Variants in CGN observed in about 807,000 individuals in gnomAD.
The protein encoded by CGN is cingulin.
CGN carries 121 observed loss-of-function variants against 157.1 expected under a neutral mutation model. The observed-to-expected ratio is 0.77, with a 90% CI of 0.66 to 0.90. CGN has a LOEUF of 0.90. CGN is among the 40% of genes least tolerant of loss of function. CGN has a pLI of 0.00. For synonymous variants in CGN, 535 were observed against 607.5 expected (o/e 0.88, Z 1.76); for missense variants, 1,424 against 1,520.9 (o/e 0.94, Z 1.06).
At chr1:151,517,527 G>A (rs1430083186) in intron 1 of CGN, among the ~76,000 whole-genome samples, 1 of 99,572 alleles carries the variant, frequency 1.0e-5, no homozygotes, top group Non-Finnish European at 2.1e-5. Flanking sequence ...TTTTTTTTTT[G>A]GAGATAGAGT....
rs1664490773 is a variant in CGN at position 151,519,399 on chromosome 1, C to T, written c.873+7C>T. The T allele has an allele frequency of 1.9e-6, 3 of 1,567,196 alleles. No homozygotes were observed. The highest frequency in any genetic ancestry group is 1.7e-6 in the Non-Finnish European group (2 of 1,162,088). On this transcript the variant is annotated splice_region_variant and intron_variant, in intron 2 of 20. Transcript: ENST00000271636. The stretch of plus-strand genomic sequence containing the variant: ...GGACCCCACCATGCTGCAGGTCAGA[C>T]CCAGCCCCTCCCTGACTTCTAAATG...
At position 151,536,785 on chromosome 1, in the gene CGN, T is replaced by C. The variant is rs749973240; in HGVS notation, c.3362T>C (p.Ile1121Thr). 12 of 1,613,942 alleles carry C rather than the reference T, an allele frequency of 7.4e-6. No individual in the cohort carries two copies. In the South Asian group the frequency reaches 1.1e-4, roughly 15 times the overall value. The change falls in exon 20 of 21, where the codon ATT becomes ACT. Residue 1121 changes from isoleucine to threonine, a missense_variant. Ile to Thr is a moderately conservative substitution (Grantham distance 89). Transcript: ENST00000271636. Reference protein sequence around the residue: ...KRQVDEAEEEIERLDGLRKKA... With the variant: ...KRQVDEAEEETERLDGLRKKA... ...CAGGTGGATGAAGCAGAAGAGGAAA[T>C]TGAGCGACTGGACGGCCTGAGGAAG... is the stretch of plus-strand genomic sequence containing the variant.
rs1557988277 is a variant in CGN at position 151,523,453 on chromosome 1, C to G, written c.1160C>G (p.Pro387Arg). 1 of 1,613,254 alleles carries G rather than the reference C, an allele frequency of 6.2e-7. No individual in the cohort carries two copies. Among genetic ancestry groups the G allele is most frequent in the South Asian group, 1.1e-5 (1 of 90,926 alleles). ...EEVKKRQKLE[P>R]SQVGLERQLE... ...TTACAGAAGCGGCAGAAGCTAGAGC[C>G]ATCCCAAGTTGGGCTGGAGCGGCAG... Residue 387 changes from proline to arginine, a missense_variant, in exon 6 of 21, where the codon CCA becomes CGA. Physicochemically the swap from Pro to Arg is moderately radical, Grantham distance 103 (BLOSUM62 -2). Around this residue, in one of 3 missense-constraint regions of CGN, gnomAD observed 1,187 missense variants for 1,217.6 expected, o/e 0.97. Coordinates refer to ENST00000271636, the MANE Select transcript of CGN (RefSeq NM_020770.3).
rs879100605 is a variant in CGN, at chr1:151,525,542, GC to G, written c.1615-97del. The G allele has an allele frequency of 3.2e-6, 3 of 936,788 alleles. No homozygotes were observed. In the South Asian group the frequency reaches 8.3e-5, roughly 26 times the overall value. The allele number at this position is 936,788 out of a possible 1,614,324, so 58.0% of individuals were successfully genotyped here. A position where few individuals can be genotyped will look rare whatever the true frequency, so the allele number is the denominator to read the frequency against. On this transcript the variant is annotated intron_variant, in intron 8 of 20. Coordinates refer to ENST00000271636, the MANE Select transcript of CGN (RefSeq NM_020770.3). ...TGTCAGGGGGTGCACCTGGCATGGTGCCCTCTGGGTCTAAGCCTTTCCTTGT... is the reference window on the plus strand; with the variant it reads ...TGTCAGGGGGTGCACCTGGCATGGTGCCTCTGGGTCTAAGCCTTTCCTTGT...
intron 11 of CGN, 109 bp from the exon 12 acceptor site, chr1:151,529,800 T>C (rs1339375791): frequency 2.9e-6 from 3 of 1,051,768 alleles, no homozygotes; most frequent in East Asian, 2.6e-5. Context: ...CTCATTCTTA[T>C]GGGCTGTCTT....
intron 9 of CGN, 48 bp from the exon 10 acceptor site, chr1:151,526,927 G>A: frequency 1.2e-6 from 2 of 1,612,372 alleles, no homozygotes; most frequent in Non-Finnish European, 1.7e-6. Flanking sequence ...CCAGGCATGT[G>A]GCCTTACTCT....
Position 151,537,489 on chromosome 1 carries a change from A to AC in CGN, c.*143_*144insC, listed in dbSNP as rs1664996223. 1 of 472,242 alleles carries AC rather than the reference A, an allele frequency of 2.1e-6. No individual in the cohort carries two copies. Among genetic ancestry groups the AC allele is most frequent in the Non-Finnish European group, 3.4e-6 (1 of 296,008 alleles). The allele number at this position is 472,242 out of a possible 1,614,324, so 29.3% of individuals were successfully genotyped here. On this transcript the variant is annotated 3_prime_UTR_variant, in exon 21 of 21. Transcript: ENST00000271636. ...ACAGGGAGGGGTCAGAGTGATGGTG[A>AC]TAAAAAAAAAAAATCATCAGCAATA...
rs2102505964 is a variant in CGN, at chr1:151,537,406, TG to T, written c.*61del. The T allele has an allele frequency of 6.6e-7, 1 of 1,507,352 alleles. No individual in the cohort carries two copies. The highest frequency in any genetic ancestry group is 2.3e-5 in the East Asian group (1 of 44,002). 93.4% of individuals were successfully genotyped at this position (1,507,352 alleles called of 1,614,324 possible). A position where few individuals can be genotyped will look rare whatever the true frequency, so the allele number is the denominator to read the frequency against. On this transcript the variant is annotated 3_prime_UTR_variant, in exon 21 of 21. Transcript: ENST00000271636. ...AGGCCTATCCCAGCAAGTGCTGCTC[TG>T]CTCTGCCCACCCTGGGTTCTGCATT... is the stretch of plus-strand genomic sequence containing the variant.
Position 151,527,054 on chromosome 1 carries a change from G to A in CGN, c.1843G>A (p.Glu615Lys), listed in dbSNP as rs1664699382. 2 of 1,614,204 alleles carry A rather than the reference G, an allele frequency of 1.2e-6. No individual in the cohort carries two copies. The highest frequency in any genetic ancestry group is 1.7e-5 in the Admixed American group (1 of 60,026). Residue 615 changes from glutamate (E) to lysine (K), a missense_variant, in exon 10 of 21, where the codon GAG (glutamate) becomes AAG (lysine). By Grantham distance (56) the Glu-to-Lys change is moderately conservative. Transcript: ENST00000271636. ...GATAGAGGTCTTGCAGAGGGAATTA[G>A]AGCAGGCCCGAGCTAGTGCTGGAGA... is the stretch of plus-strand genomic sequence containing the variant. ...EKIEVLQREL[E>K]QARASAGDTR...
chr1:151,515,729 C>T, intron 1 of CGN: 1 of 152,304 alleles, frequency 6.6e-6, no homozygotes. Context: ...CACACCTTGG[C>T]CTCCCAAAAT....
intron 8 of CGN, 129 bp from the exon 9 acceptor site, chr1:151,525,513 A>G: frequency 3.5e-6 from 2 of 575,608 alleles, no homozygotes; most frequent in Admixed American, 3.8e-5. Flanking sequence ...AGGTACCACA[A>G]GAGTGTCAGG....
At chr1:151,531,305 C>T (rs1418377841) in intron 13 of CGN, among the ~76,000 whole-genome samples, 2 of 152,204 alleles carry the variant, frequency 1.3e-5, no homozygotes, top group Admixed American at 6.5e-5. Context: ...TGGAGAACAT[C>T]TCCTGGGATT....
chr1:151,534,275 C>A, intron 15 of CGN, 139 bp downstream of exon 15: 2 of 845,946 alleles, frequency 2.4e-6, no homozygotes, highest in Non-Finnish European at 3.7e-6. Flanking sequence ...AATCAATTGC[C>A]AATGTTTAGA....
rs748383118 is a variant in CGN, at chr1:151,535,137, C to T, written c.2994+6C>T. 2.7e-5 allele frequency: 43 copies of T among 1,607,794 alleles called. No homozygotes were observed. Among genetic ancestry groups the T allele is most frequent in the Middle Eastern group, 1.7e-4 (1 of 5,872 alleles). ...TGAATCGTGGCCGGGACCAGGTAAC[C>T]GCCCCCACCCCTCATCTCTGTTTAC... On this transcript the variant is annotated splice_donor_region_variant and intron_variant, in intron 16 of 20. Coordinates refer to ENST00000271636, the MANE Select transcript of CGN (RefSeq NM_020770.3).
intron 1 of CGN, among the ~76,000 whole-genome samples, chr1:151,513,647 C>A (rs970588617): frequency 1.3e-5 from 2 of 152,290 alleles, no homozygotes; most frequent in South Asian, 2.1e-4. Flanking sequence ...AACCACCCCA[C>A]CCCCACTTCC....
intron 10 of CGN, chr1:151,527,992 G>A (rs1664732661): frequency 7.3e-6 from 1 of 136,278 alleles, no homozygotes; most frequent in African/African-American, 3.3e-5. Flanking sequence ...GTCTCACTCT[G>A]TCACCCAGGG....
Position 151,535,467 on chromosome 1 carries a change from T to G in CGN, c.2995-133T>G, listed in dbSNP as rs16833359. Reference sequence around the variant, plus strand: ...CCCCTCCCATTTGAATAGGCTGTGATTTTTTAGTTGCCTGGGAATTTTTGG... The same window carrying G: ...CCCCTCCCATTTGAATAGGCTGTGAGTTTTTAGTTGCCTGGGAATTTTTGG... On this transcript the variant is annotated intron_variant, in intron 16 of 20. Transcript: ENST00000271636. The G allele has an allele frequency of 2.8e-3, 2,086 of 743,142 alleles. 20 individuals carry two copies. In the African/African-American group the frequency reaches 0.031, roughly 11 times the overall value. The allele number at this position is 743,142 out of a possible 1,614,324, so 46.0% of individuals were successfully genotyped here. A position where few individuals can be genotyped will look rare whatever the true frequency, so the allele number is the denominator to read the frequency against.
intron 13 of CGN, 102 bp from the exon 14 acceptor site, chr1:151,532,300 T>C: frequency 1.2e-6 from 1 of 834,088 alleles, no homozygotes; most frequent in Non-Finnish European, 1.7e-6. Context: ...AAGAGAGGGC[T>C]GCCTTGTCAG....
intron 10 of CGN, chr1:151,527,916 G>A: frequency 3.4e-6 from 1 of 291,076 alleles, no homozygotes; most frequent in Non-Finnish European, 6.6e-6. Context: ...GCATGCAGTT[G>A]GAGATCCCAT....
Sources: gnomAD v4.1 joint callset for allele counts (sites outside exome capture counted in the v4.1 genomes callset) on GRCh38, gnomAD v4.1.1 for gene constraint, gnomAD v4.1.1 regional missense constraint, MANE v1.5 for transcripts, NCBI Gene and HGNC (gene_info 2026-07-23, HGNC 2026-07-21) for gene names.